Variants in MDFIC2 observed in about 807,000 individuals in gnomAD.
MDFIC2 encodes the protein myoD family inhibitor domain-containing protein 2.
chr3:70,268,847 A>G (rs1478673097), intron 2 of MDFIC2, among the ~76,000 whole-genome samples: 1 of 152,212 alleles, frequency 6.6e-6, no homozygotes, highest in East Asian at 1.9e-4. Context: ...TTTTGTATCA[A>G]TAAATTTATA....
intron 2 of MDFIC2, among the ~76,000 whole-genome samples, chr3:70,263,944 C>A (rs1701891365): frequency 6.6e-6 from 1 of 152,152 alleles, no homozygotes; most frequent in Non-Finnish European, 1.5e-5. Context: ...TACATTATTT[C>A]TAGTTCTTTA....
In MDFIC2 at chr3:70,218,306, C is replaced by T. The variant is rs187204336; in HGVS notation, c.89-11516G>A. The stretch of plus-strand genomic sequence containing the variant: ...ACAGTGAATATGGTAGCATGTGCCT[C>T]CATTGTGTATGCATGTGCACATGGA... On this transcript the variant is annotated intron_variant, in intron 2 of 3. Transcript: ENST00000567252. Among the ~76,000 whole-genome samples, 5 of 152,170 alleles carry T rather than the reference C, an allele frequency of 3.3e-5. No homozygotes were observed. In the East Asian group the frequency reaches 7.8e-4, roughly 24 times the overall value.
intron 2 of MDFIC2, among the ~76,000 whole-genome samples, chr3:70,309,287 A>C (rs914750892): frequency 2.0e-5 from 3 of 152,206 alleles, no homozygotes; most frequent in Non-Finnish European, 2.9e-5. Flanking sequence ...AAATGGGGAC[A>C]GTACCACTGC....
chr3:70,309,189 G>T (rs971796839), intron 2 of MDFIC2, among the ~76,000 whole-genome samples: 15 of 152,096 alleles, frequency 9.9e-5, no homozygotes, highest in Non-Finnish European at 2.2e-4. Flanking sequence ...CTCAAAGACC[G>T]AGGTTGGAGA....
At chr3:70,247,492 T>G (rs1028344038) in intron 2 of MDFIC2, among the ~76,000 whole-genome samples, 2 of 151,706 alleles carry the variant, frequency 1.3e-5, no homozygotes, top group African/African-American at 4.8e-5. Flanking sequence ...TTATATGAAT[T>G]AGTTGAAAAT....
At chr3:70,239,300 T>C (rs1465410347) in intron 2 of MDFIC2, among the ~76,000 whole-genome samples, 1 of 152,202 alleles carries the variant, frequency 6.6e-6, no homozygotes, top group African/African-American at 2.4e-5. Context: ...CACAGTTTCT[T>C]TCTTGCCCAA....
At chr3:70,273,631 C>T (rs1701995622) in intron 2 of MDFIC2, among the ~76,000 whole-genome samples, 1 of 152,102 alleles carries the variant, frequency 6.6e-6, no homozygotes, top group Non-Finnish European at 1.5e-5. Flanking sequence ...TTGACAGTAT[C>T]AAAGGAGGAA....
At position 70,270,958 on chromosome 3, in the gene MDFIC2, A is replaced by AATCG. The variant is rs557186910; in HGVS notation, c.88+40924_88+40927dup. On this transcript the variant is annotated intron_variant, in intron 2 of 3. Coordinates refer to ENST00000567252, the MANE Select transcript of MDFIC2 (RefSeq NM_001364677.1). ...AGATGATGGATTGATGGGTGCAGCA[A>AATCG]ATCGCCATGGCACATGTATACCTAT... Among the ~76,000 whole-genome samples the AATCG allele has an allele frequency of 5.2e-3, 784 of 152,222 alleles. 2 individuals are homozygous for AATCG. The highest frequency in any genetic ancestry group is 0.018 in the African/African-American group (732 of 41,522).
rs1293925362 is a variant in MDFIC2 at position 70,303,120 on chromosome 3, C to A, written c.88+8766G>T. Reference sequence around the variant, plus strand: ...GAAACATTCAGTGCTTCATCAACAGCACATATCACGTAAGAAAATATTATT... The same window carrying A: ...GAAACATTCAGTGCTTCATCAACAGAACATATCACGTAAGAAAATATTATT... On this transcript the variant is annotated intron_variant, in intron 2 of 3. Transcript: ENST00000567252. 3.9e-5 allele frequency among the ~76,000 whole-genome samples: 6 copies of A among 152,154 alleles called. No homozygotes were observed. In the East Asian group the frequency reaches 1.2e-3, roughly 29 times the overall value.
In MDFIC2 at chr3:70,280,716, A is replaced by T. The variant is rs192648006; in HGVS notation, c.88+31170T>A. On this transcript the variant is annotated intron_variant, in intron 2 of 3. Transcript: ENST00000567252. ...GGCAGGTCTCCAAAGCCAGCCATAA[A>T]ACCTAAAAACATTACTCTTAGTTTC... Among the ~76,000 whole-genome samples, 266 of 152,210 alleles carry T rather than the reference A, an allele frequency of 1.7e-3. 2 individuals are homozygous for T. Among genetic ancestry groups the T allele is most frequent in the Admixed American group, 0.016 (245 of 15,274 alleles).
At chr3:70,230,561 C>T (rs967639517) in intron 2 of MDFIC2, among the ~76,000 whole-genome samples, 2 of 152,132 alleles carry the variant, frequency 1.3e-5, no homozygotes, top group Admixed American at 6.5e-5. Context: ...ATGGAACTCT[C>T]TCTTGAAATT....
chr3:70,205,877 C>T (rs1701285906), intron 3 of MDFIC2: 1 of 152,000 alleles, frequency 6.6e-6, no homozygotes, highest in Non-Finnish European at 1.5e-5. Flanking sequence ...TGGTTTTTCT[C>T]CTGTAAAGGT....
intron 2 of MDFIC2, among the ~76,000 whole-genome samples, chr3:70,245,659 T>A (rs1405825927): frequency 7.4e-6 from 1 of 134,688 alleles, no homozygotes. Context: ...CATAACGTTT[T>A]TGCAAACTGC....
chr3:70,235,507 A>G (rs895621796), intron 2 of MDFIC2, among the ~76,000 whole-genome samples: 3 of 152,244 alleles, frequency 2.0e-5, no homozygotes, highest in African/African-American at 7.2e-5. Context: ...ACACATGAAT[A>G]CATGGCTCTA....
intron 3 of MDFIC2, among the ~76,000 whole-genome samples, chr3:70,198,599 A>T (rs1701204741): frequency 6.6e-6 from 1 of 152,110 alleles, no homozygotes; most frequent in Admixed American, 6.6e-5. Context: ...TTTTCTCTCC[A>T]TCCTCTTTCT....
At chr3:70,264,352 G>A (rs1701895914) in intron 2 of MDFIC2, among the ~76,000 whole-genome samples, 1 of 152,128 alleles carries the variant, frequency 6.6e-6, no homozygotes, top group Non-Finnish European at 1.5e-5. Context: ...ATCTGCTCTT[G>A]TTTAGTCTTC....
chr3:70,296,407 T>C (rs1291552108), intron 2 of MDFIC2, among the ~76,000 whole-genome samples: 1 of 152,172 alleles, frequency 6.6e-6, no homozygotes, highest in African/African-American at 2.4e-5. Flanking sequence ...ATGGACCTAA[T>C]TTTAGATAAC....
In MDFIC2 at chr3:70,203,074, A is replaced by G. The variant is rs77690895; in HGVS notation, c.310+3495T>C. Among the ~76,000 whole-genome samples the G allele has an allele frequency of 8.3e-3, 1,259 of 151,908 alleles. 102 individuals carry two copies. The East Asian group carries it at 0.19, about 22-fold the overall frequency. On this transcript the variant is annotated intron_variant, in intron 3 of 3. Coordinates refer to ENST00000567252, the MANE Select transcript of MDFIC2 (RefSeq NM_001364677.1). Reference sequence around the variant, plus strand: ...AAGCATTTCTGAGCTGCTGAAGCACACCTCCTGCTACCCCAGGACTCCTTA... The same window carrying G: ...AAGCATTTCTGAGCTGCTGAAGCACGCCTCCTGCTACCCCAGGACTCCTTA...
intron 2 of MDFIC2, among the ~76,000 whole-genome samples, chr3:70,290,485 A>G (rs1702224410): frequency 6.6e-6 from 1 of 152,206 alleles, no homozygotes; most frequent in Admixed American, 6.5e-5. Context: ...GGGACATTTA[A>G]GTCTGCAGAG....
Sources: allele counts gnomAD v4.1 joint callset (sites outside exome capture counted in the v4.1 genomes callset), GRCh38; gene constraint gnomAD v4.1.1; transcripts MANE v1.5; gene names NCBI Gene and HGNC (gene_info 2026-07-23, HGNC 2026-07-21).